Variants in CCDC138 observed in about 807,000 individuals in gnomAD.
The protein encoded by CCDC138 is coiled-coil domain containing 138, also known as coiled-coil domain-containing protein 138.
A neutral mutation model predicts 82.3 loss-of-function variants in CCDC138; 66 were observed. The observed-to-expected ratio is 0.80, with a 90% confidence interval of 0.66 to 0.98. CCDC138 has a LOEUF of 0.98. Among genes scored for constraint, CCDC138 ranks in the 50% least tolerant of loss-of-function variants. The pLI is 0.00. For synonymous variants in CCDC138, 297 were observed against 265.4 expected, an observed-to-expected ratio of 1.12 and a Z score of -1.16; for missense variants, 816 against 758.9, an observed-to-expected ratio of 1.08 and a Z score of -0.88.
chr2:108,876,402 T>A lies in CCDC138; in HGVS notation c.*149T>A. ...ATTTTTTTGAACTGTAAAAATGAAA[T>A]CTGTAGAAGGTATTGGAACTTTTGG... On this transcript the variant is annotated 3_prime_UTR_variant, in exon 15 of 15. Transcript: ENST00000295124. 2.1e-6 allele frequency: 1 copy of A among 485,174 alleles called. No homozygotes were observed. Among genetic ancestry groups the A allele is most frequent in the Non-Finnish European group, 3.6e-6 (1 of 281,246 alleles). The allele number at this position is 485,174 out of a possible 1,614,324, so 30.1% of individuals were successfully genotyped here.
In CCDC138 at chr2:108,794,529, T is replaced by C; in HGVS notation, c.395-11T>C. 1 of 1,589,620 alleles carries C rather than the reference T, an allele frequency of 6.3e-7. No individual in the cohort carries two copies. The highest frequency in any genetic ancestry group is 8.6e-7 in the Non-Finnish European group (1 of 1,166,894). On this transcript the variant is annotated splice_polypyrimidine_tract_variant and intron_variant, in intron 4 of 14. Transcript: ENST00000295124. ...ATAAAGTTTATAATGCAAATGTTAT[T>C]TTCTTTGCAGTTGCCTTGCCAACTA...
intron 4 of CCDC138, among the ~76,000 whole-genome samples, chr2:108,792,647 T>A (rs1462000103): frequency 6.6e-6 from 1 of 152,226 alleles, no homozygotes; most frequent in Admixed American, 6.5e-5. Context: ...CTTTTCATTT[T>A]AAAAAATTCA....
chr2:108,876,214 A>T lies in CCDC138; in HGVS notation c.1959A>T (p.Leu653Phe). Residue 653 changes from leucine (L) to phenylalanine (F), a missense_variant, in exon 15 of 15, where the codon TTA (leucine) becomes TTT (phenylalanine). Physicochemically the swap from Leu to Phe is conservative, Grantham distance 22 (BLOSUM62 0). Transcript: ENST00000295124. ...NLNSTLFNLG[L>F]TKCNSLVSSA... ...ATTCAACTCTGTTCAATCTGGGTTT[A>T]ACAAAATGTAACTCCCTGGTCTCCA... The T allele has an allele frequency of 9.3e-6, 15 of 1,613,052 alleles. No homozygotes were observed. Among genetic ancestry groups the T allele is most frequent in the Non-Finnish European group, 1.3e-5 (15 of 1,179,384 alleles).
chr2:108,851,206 C>A (rs955645250), intron 12 of CCDC138, among the ~76,000 whole-genome samples: 2 of 152,152 alleles, frequency 1.3e-5, no homozygotes, highest in African/African-American at 2.4e-5. Context: ...GAACTTCTGT[C>A]CCCTCCCTGG....
At chr2:108,847,647 G>A (rs944811055) in intron 12 of CCDC138, among the ~76,000 whole-genome samples, 52 of 152,302 alleles carry the variant, frequency 3.4e-4, no homozygotes, top group African/African-American at 1.2e-3. Context: ...TTTTGTTAAA[G>A]TGAGTTATGC....
rs1684116101 is a variant in CCDC138, at chr2:108,812,870, T to A, written c.984T>A (p.Ala328=). 6.2e-7 allele frequency: 1 copy of A among 1,613,608 alleles called. No individual in the cohort carries two copies. Among genetic ancestry groups the A allele is most frequent in the Non-Finnish European group, 8.5e-7 (1 of 1,179,718 alleles). Residue 328 remains alanine (A), a synonymous_variant, in exon 9 of 15, where the codon GCT becomes GCA. Transcript: ENST00000295124. ...TIQRLKGSSH[A]VHEMKSLKQE... ...AGAGATTGAAAGGAAGTTCCCATGC[T>A]GTTCATGAAATGAAAAGTTTAAAAC...
chr2:108,797,898 A>G (rs1045104039), intron 5 of CCDC138, among the ~76,000 whole-genome samples: 5 of 152,000 alleles, frequency 3.3e-5, no homozygotes, highest in African/African-American at 1.2e-4. Flanking sequence ...TTTGGACTGC[A>G]TTGAGAATCT....
chr2:108,875,638 G>T (rs185210576), intron 14 of CCDC138, among the ~76,000 whole-genome samples: 1 of 152,126 alleles, frequency 6.6e-6, no homozygotes, highest in Non-Finnish European at 1.5e-5. Context: ...AAGGAGGATC[G>T]CCTGAGCCCA....
At chr2:108,819,200 C>T (rs1017058930) in intron 10 of CCDC138, among the ~76,000 whole-genome samples, 3 of 152,120 alleles carry the variant, frequency 2.0e-5, no homozygotes, top group East Asian at 1.9e-4. Flanking sequence ...GAAGCTGCAG[C>T]ACTCAGGCTA....
At chr2:108,805,153 A>T in intron 7 of CCDC138, 145 bp downstream of exon 7, 1 of 404,676 alleles carries the variant, frequency 2.5e-6, no homozygotes, top group Non-Finnish European at 4.3e-6. Context: ...AATACTTCCA[A>T]ATGTAAATAA....
chr2:108,822,638 G>A (rs191745044), intron 10 of CCDC138, among the ~76,000 whole-genome samples: 2 of 152,124 alleles, frequency 1.3e-5, no homozygotes, highest in African/African-American at 2.4e-5. Flanking sequence ...CTCAAACCAA[G>A]GAAGGATAAC....
intron 3 of CCDC138, among the ~76,000 whole-genome samples, chr2:108,790,649 C>T (rs1679758300): frequency 6.6e-6 from 1 of 152,106 alleles, no homozygotes; most frequent in South Asian, 2.1e-4. Flanking sequence ...TGCAGTGAGC[C>T]GAGATCGCGC....
At chr2:108,795,437 G>A (rs1388609213) in intron 5 of CCDC138, among the ~76,000 whole-genome samples, 5 of 152,126 alleles carry the variant, frequency 3.3e-5, no homozygotes, top group African/African-American at 9.7e-5. Context: ...GATTACAGGC[G>A]TGAGCCACAG....
rs1240892902 is a variant in CCDC138 at position 108,822,976 on chromosome 2, A to G, written c.1206+6871A>G. On this transcript the variant is annotated intron_variant, in intron 10 of 14. Transcript: ENST00000295124. The stretch of plus-strand genomic sequence containing the variant: ...AAGGAAAGAAGGGATCTTGCAAGCA[A>G]TGCCACAGAAATAAAAAGGTTTATA... Among the ~76,000 whole-genome samples the G allele has an allele frequency of 2.0e-5, 3 of 152,202 alleles. No individual in the cohort carries two copies. The East Asian group carries it at 5.8e-4, about 29-fold the overall frequency.
intron 10 of CCDC138, among the ~76,000 whole-genome samples, chr2:108,838,273 C>A (rs1688906670): frequency 6.6e-6 from 1 of 151,998 alleles, no homozygotes; most frequent in South Asian, 2.1e-4. Context: ...CAATCTCTCC[C>A]CAACTGGAAA....
intron 12 of CCDC138, among the ~76,000 whole-genome samples, chr2:108,847,138 GC>G (rs1467012451): frequency 6.6e-6 from 1 of 152,164 alleles, no homozygotes; most frequent in African/African-American, 2.4e-5. Context: ...CTCCCAAGAG[GC>G]CTTTGATTGT....
chr2:108,822,913 A>G (rs954407747), intron 10 of CCDC138, among the ~76,000 whole-genome samples: 2 of 152,206 alleles, frequency 1.3e-5, no homozygotes, highest in Non-Finnish European at 2.9e-5. Context: ...CGCTAGCTAG[A>G]TGAAGGGAGA....
intron 7 of CCDC138, among the ~76,000 whole-genome samples, chr2:108,806,652 A>C (rs756740367): frequency 6.6e-6 from 1 of 152,174 alleles, no homozygotes; most frequent in Non-Finnish European, 1.5e-5. Flanking sequence ...TGTGTTCCAA[A>C]ACGACTGTAT....
At chr2:108,804,767 T>C (rs1334317033) in intron 6 of CCDC138, 122 bp from the exon 7 acceptor site, 9 of 858,718 alleles carry the variant, frequency 1.0e-5, no homozygotes, top group Non-Finnish European at 1.5e-5. Context: ...TGTGCTTGCA[T>C]ACACTGATTA....
Sources: gnomAD v4.1 joint callset for allele counts (sites outside exome capture counted in the v4.1 genomes callset) on GRCh38, gnomAD v4.1.1 for gene constraint, MANE v1.5 for transcripts, NCBI Gene and HGNC (gene_info 2026-07-23, HGNC 2026-07-21) for gene names.